Variants in CCBE1 observed in about 807,000 individuals in gnomAD.
The protein encoded by CCBE1 is collagen and calcium binding EGF domains 1.
A neutral mutation model predicts 50.0 loss-of-function variants in CCBE1; 37 were observed. That is an observed-to-expected ratio of 0.74 (90% CI 0.57 to 0.97). CCBE1 has a LOEUF of 0.97. Among genes scored for constraint, CCBE1 ranks in the 50% least tolerant of loss-of-function variants. CCBE1 has a pLI of 0.00. For synonymous variants in CCBE1, 234 were observed against 203.7 expected, an observed-to-expected ratio of 1.15 and a Z score of -1.27; for missense variants, 538 against 523.8, an observed-to-expected ratio of 1.03 and a Z score of -0.26.
At chr18:59,513,901 A>T (rs531324264) in intron 2 of CCBE1, among the ~76,000 whole-genome samples, 6 of 152,170 alleles carry the variant, frequency 3.9e-5, no homozygotes, top group African/African-American at 1.4e-4. Flanking sequence ...AAGACCCCCT[A>T]TGCCACACTT....
intron 2 of CCBE1, among the ~76,000 whole-genome samples, chr18:59,486,193 A>G (rs1912818943): frequency 1.3e-5 from 2 of 152,206 alleles, no homozygotes; most frequent in South Asian, 2.1e-4. Context: ...TACAGATAAT[A>G]TAAGAAAGGT....
chr18:59,659,470 CCT>C (rs1171770901), intron 2 of CCBE1, among the ~76,000 whole-genome samples: 2 of 152,098 alleles, frequency 1.3e-5, no homozygotes, highest in Admixed American at 6.5e-5. Context: ...CAGAAATCTC[CCT>C]GTTATTTCTA....
intron 2 of CCBE1, among the ~76,000 whole-genome samples, chr18:59,510,199 C>T (rs1394076127): frequency 6.6e-6 from 1 of 152,206 alleles, no homozygotes; most frequent in African/African-American, 2.4e-5. Context: ...ATCCTTGCTG[C>T]TGTGTGAATG....
chr18:59,691,307 G>A (rs892806856), intron 2 of CCBE1, among the ~76,000 whole-genome samples: 6 of 152,228 alleles, frequency 3.9e-5, no homozygotes, highest in African/African-American at 1.4e-4. Context: ...ACACAGGAGA[G>A]GAGAAGCTGC....
intron 2 of CCBE1, among the ~76,000 whole-genome samples, chr18:59,588,314 T>C (rs1316064291): frequency 6.6e-6 from 1 of 152,130 alleles, no homozygotes; most frequent in East Asian, 1.9e-4. Context: ...GTAATCTTAG[T>C]ACTTGGGAAG....
chr18:59,470,936 TC>T (rs1215088176), intron 3 of CCBE1, among the ~76,000 whole-genome samples: 1 of 152,162 alleles, frequency 6.6e-6, no homozygotes, highest in Non-Finnish European at 1.5e-5. Flanking sequence ...AAATACTCCT[TC>T]CCATGATTGT....
intron 2 of CCBE1, among the ~76,000 whole-genome samples, chr18:59,621,318 C>G (rs2053707287): frequency 6.6e-6 from 1 of 152,196 alleles, no homozygotes; most frequent in African/African-American, 2.4e-5. Flanking sequence ...GAATCAGTCC[C>G]TCATTCCCCT....
chr18:59,677,418 C>T (rs1032840274), intron 2 of CCBE1, among the ~76,000 whole-genome samples: 9 of 152,056 alleles, frequency 5.9e-5, no homozygotes, highest in African/African-American at 1.7e-4. Flanking sequence ...TTGGACCTGT[C>T]GTCTTTGAAA....
In CCBE1 at chr18:59,436,241, A is replaced by G. The variant is rs577546996; in HGVS notation, c.988-100T>C. The G allele has an allele frequency of 8.8e-6, 9 of 1,021,116 alleles. No homozygotes were observed. In the East Asian group the frequency reaches 9.7e-5, roughly 11 times the overall value. 63.3% of individuals were successfully genotyped at this position (1,021,116 alleles called of 1,614,324 possible). A position where few individuals can be genotyped will look rare whatever the true frequency, so the allele number is the denominator to read the frequency against. On this transcript the variant is annotated intron_variant, in intron 10 of 10. Transcript: ENST00000439986. ...CTGCTTGCTGGCAACTACTTTCTCA[A>G]TAACTCTGTGCCCCAAATGGAGCCA... is the stretch of plus-strand genomic sequence containing the variant.
At chr18:59,671,817 A>T (rs892381051) in intron 2 of CCBE1, among the ~76,000 whole-genome samples, 6 of 134,096 alleles carry the variant, frequency 4.5e-5, no homozygotes, top group African/African-American at 1.7e-4. Context: ...AAGGTTAAAA[A>T]AAAAGGGGGG....
At chr18:59,523,912 A>T (rs1914710542) in intron 2 of CCBE1, among the ~76,000 whole-genome samples, 1 of 152,168 alleles carries the variant, frequency 6.6e-6, no homozygotes, top group Non-Finnish European at 1.5e-5. Context: ...GTACTTCTAG[A>T]TGTATTTGAT....
chr18:59,511,276 C>T (rs1009260076), intron 2 of CCBE1, among the ~76,000 whole-genome samples: 2 of 152,196 alleles, frequency 1.3e-5, no homozygotes, highest in Non-Finnish European at 2.9e-5. Context: ...TCAAGACGAG[C>T]AGTGGAGCAC....
chr18:59,492,136 CTT>C (rs1913134700), intron 2 of CCBE1, among the ~76,000 whole-genome samples: 2 of 95,688 alleles, frequency 2.1e-5, no homozygotes, highest in Admixed American at 3.0e-4. Context: ...CAGAGTGAGA[CTT>C]TGTCTCAAAA....
At chr18:59,612,330 GAAAA>G in intron 2 of CCBE1, among the ~76,000 whole-genome samples, 1 of 130,696 alleles carries the variant, frequency 7.7e-6, no homozygotes, top group East Asian at 2.2e-4. Flanking sequence ...AGAAAAAAAA[GAAAA>G]AAAAAAAAAC....
chr18:59,477,905 C>T (rs1187263734), intron 3 of CCBE1, among the ~76,000 whole-genome samples: 2 of 152,152 alleles, frequency 1.3e-5, no homozygotes, highest in Non-Finnish European at 2.9e-5. Context: ...TTTTGTGACA[C>T]CTTGGCTAGG....
intron 2 of CCBE1, among the ~76,000 whole-genome samples, chr18:59,494,850 T>C (rs1913273161): frequency 6.6e-6 from 1 of 152,056 alleles, no homozygotes; most frequent in African/African-American, 2.4e-5. Flanking sequence ...AAGCCAACAA[T>C]GGATAAATGC....
At chr18:59,674,606 C>T (rs1160870770) in intron 2 of CCBE1, among the ~76,000 whole-genome samples, 1 of 152,074 alleles carries the variant, frequency 6.6e-6, no homozygotes, top group East Asian at 1.9e-4. Flanking sequence ...TATCCCAGAA[C>T]TTAAAGTATA....
At chr18:59,523,985 A>G (rs1249299629) in intron 2 of CCBE1, among the ~76,000 whole-genome samples, 1 of 152,242 alleles carries the variant, frequency 6.6e-6, no homozygotes, top group Non-Finnish European at 1.5e-5. Flanking sequence ...ACAATAGTCC[A>G]GCTCCTTTAC....
At chr18:59,458,610 AG>A (rs1281935852) in intron 5 of CCBE1, among the ~76,000 whole-genome samples, 2 of 152,248 alleles carry the variant, frequency 1.3e-5, no homozygotes, top group African/African-American at 4.8e-5. Context: ...AGAGAGAGAC[AG>A]TAACTTGCCT....
Sources: gnomAD v4.1 joint callset for allele counts (sites outside exome capture counted in the v4.1 genomes callset) on GRCh38, gnomAD v4.1.1 for gene constraint, MANE v1.5 for transcripts, NCBI Gene and HGNC (gene_info 2026-07-23, HGNC 2026-07-21) for gene names.